Variants in DAGLB observed in about 807,000 individuals in gnomAD.
The protein encoded by DAGLB is diacylglycerol lipase-beta.
DAGLB carries 66 observed loss-of-function variants against 72.1 expected under a neutral mutation model. The observed-to-expected ratio is 0.92, with a 90% CI of 0.75 to 1.12. The LOEUF (loss-of-function observed/expected upper bound fraction) is 1.12, where lower values mean the gene tolerates loss of function less well. Among genes scored for constraint, DAGLB ranks in the 50% most tolerant of loss-of-function variants. The probability of loss-of-function intolerance (pLI) is 0.00; values close to 1 mark genes in which losing one functional copy is unlikely to be tolerated. For synonymous variants in DAGLB, 414 were observed against 359.5 expected, an observed-to-expected ratio of 1.15 and a Z score of -1.71; for missense variants, 1,065 against 884.9, an observed-to-expected ratio of 1.20 and a Z score of -2.58.
chr7:6,420,564 G>A (rs942084075), intron 9 of DAGLB, among the ~76,000 whole-genome samples: 3 of 152,204 alleles, frequency 2.0e-5, no homozygotes, highest in South Asian at 2.1e-4. Context: ...CCCAGAGGCC[G>A]TGGAAGGGAG....
At chr7:6,439,379 C>T (rs1279525182) in intron 2 of DAGLB, among the ~76,000 whole-genome samples, 1 of 150,752 alleles carries the variant, frequency 6.6e-6, no homozygotes, top group Non-Finnish European at 1.5e-5. Flanking sequence ...GCCCCATAAC[C>T]GACAAGCACA....
chr7:6,444,204 T>C (rs1784924207), intron 2 of DAGLB, among the ~76,000 whole-genome samples: 1 of 152,182 alleles, frequency 6.6e-6, no homozygotes, highest in South Asian at 2.1e-4. Flanking sequence ...GCCCAGGTAT[T>C]TGAGGCTGCA....
At chr7:6,416,972 C>T in intron 9 of DAGLB, 51 bp from the exon 10 acceptor site, 1 of 1,594,256 alleles carries the variant, frequency 6.3e-7, no homozygotes, top group South Asian at 1.1e-5. Context: ...CAAGGCAGGC[C>T]CAGCAGAGAC....
At chr7:6,427,657 C>G (rs1286821285) in intron 6 of DAGLB, among the ~76,000 whole-genome samples, 1 of 152,130 alleles carries the variant, frequency 6.6e-6, no homozygotes, top group African/African-American at 2.4e-5. Context: ...GTGGCTTACA[C>G]CTGTAATCCC....
intron 5 of DAGLB, among the ~76,000 whole-genome samples, chr7:6,431,560 C>T (rs1239730138): frequency 6.6e-6 from 1 of 151,948 alleles, no homozygotes; most frequent in Non-Finnish European, 1.5e-5. Context: ...TCACTTGAGG[C>T]TAAGAGTTTG....
intron 13 of DAGLB, among the ~76,000 whole-genome samples, chr7:6,410,934 G>GA (rs770392486): frequency 1.4e-3 from 198 of 145,354 alleles, no homozygotes; most frequent in Non-Finnish European, 2.0e-3. Context: ...GCCCAGGCTG[G>GA]AGTGCAGTGG....
At chr7:6,443,605 C>T (rs1177482911) in intron 2 of DAGLB, among the ~76,000 whole-genome samples, 2 of 152,188 alleles carry the variant, frequency 1.3e-5, no homozygotes, top group Non-Finnish European at 2.9e-5. Context: ...CTCTACATTG[C>T]TCCTATGAGC....
intron 2 of DAGLB, among the ~76,000 whole-genome samples, chr7:6,443,865 C>T (rs1784913156): frequency 6.6e-6 from 1 of 152,166 alleles, no homozygotes; most frequent in Non-Finnish European, 1.5e-5. Context: ...ACAGTGCTCA[C>T]ATCATCCTAT....
rs1783643184 is a variant in DAGLB, at chr7:6,409,479, G to C, written c.*358C>G. 1 of 255,154 alleles carries C rather than the reference G, an allele frequency of 3.9e-6. No homozygotes were observed. Among genetic ancestry groups the C allele is most frequent in the South Asian group, 6.4e-5 (1 of 15,518 alleles). The allele number at this position is 255,154 out of a possible 1,614,324, so 15.8% of individuals were successfully genotyped here. A position where few individuals can be genotyped will look rare whatever the true frequency, so the allele number is the denominator to read the frequency against. On this transcript the variant is annotated 3_prime_UTR_variant, in exon 15 of 15. Transcript: ENST00000297056. ...ATGAAAAGAGCTGCCTTGGGGGTGG[G>C]AGGCTAAGGAACTGTTCACGGTCTT...
At chr7:6,444,444 A>G (rs894495651) in intron 2 of DAGLB, among the ~76,000 whole-genome samples, 1 of 152,158 alleles carries the variant, frequency 6.6e-6, no homozygotes, top group Admixed American at 6.6e-5. Flanking sequence ...TCTACTAAAA[A>G]TACAAAAATT....
intron 9 of DAGLB, among the ~76,000 whole-genome samples, chr7:6,419,746 CCT>C (rs1426047800): frequency 1.3e-5 from 2 of 152,220 alleles, no homozygotes; most frequent in South Asian, 2.1e-4. Context: ...CCCCCTGGCC[CCT>C]GACGGGTTTC....
At chr7:6,416,971 C>G in intron 9 of DAGLB, 50 bp from the exon 10 acceptor site, 1 of 1,597,172 alleles carries the variant, frequency 6.3e-7, no homozygotes, top group Non-Finnish European at 8.6e-7. Flanking sequence ...ACAAGGCAGG[C>G]CCAGCAGAGA....
At chr7:6,422,251 G>A (rs1027609527) in intron 8 of DAGLB, 20 of 314,480 alleles carry the variant, frequency 6.4e-5, no homozygotes, top group African/African-American at 1.9e-4. Context: ...CAGCCCAGGC[G>A]CAGGGGCAGC....
chr7:6,434,622 C>CA, intron 4 of DAGLB, 140 bp downstream of exon 4: 1 of 1,382,762 alleles, frequency 7.2e-7, no homozygotes, highest in Non-Finnish European at 9.9e-7. Context: ...TCATCACAGA[C>CA]AGAGGGTCTC....
chr7:6,411,191 TAG>T (rs753000342), intron 13 of DAGLB, among the ~76,000 whole-genome samples: 6 of 151,328 alleles, frequency 4.0e-5, no homozygotes, highest in Non-Finnish European at 2.9e-5. Context: ...GTATTTTTAG[TAG>T]AGACGGGGTT....
intron 6 of DAGLB, 43 bp from the exon 7 acceptor site, chr7:6,426,157 T>C (rs1583291159): frequency 3.1e-6 from 5 of 1,608,918 alleles, no homozygotes; most frequent in Non-Finnish European, 3.4e-6. Context: ...ACAGAGCCAC[T>C]TGGCAAGGAA....
At chr7:6,414,954 A>G (rs1319422611) in intron 11 of DAGLB, among the ~76,000 whole-genome samples, 1 of 152,078 alleles carries the variant, frequency 6.6e-6, no homozygotes, top group Non-Finnish European at 1.5e-5. Context: ...GGATCACTTG[A>G]GCCCAGGAGT....
At chr7:6,440,696 T>C (rs944960909) in intron 2 of DAGLB, among the ~76,000 whole-genome samples, 3 of 152,034 alleles carry the variant, frequency 2.0e-5, no homozygotes, top group African/African-American at 4.8e-5. Flanking sequence ...CTGGCCAACA[T>C]GGTTTCTACA....
At chr7:6,424,712 C>T (rs372258486) in intron 8 of DAGLB, 40 bp downstream of exon 8, 6 of 1,603,412 alleles carry the variant, frequency 3.7e-6, no homozygotes, top group Non-Finnish European at 5.1e-6. Flanking sequence ...CCCGCTCCCG[C>T]ACCCACTCCC....
Sources: allele counts gnomAD v4.1 joint callset (sites outside exome capture counted in the v4.1 genomes callset), GRCh38; gene constraint gnomAD v4.1.1; transcripts MANE v1.5; gene names NCBI Gene and HGNC (gene_info 2026-07-23, HGNC 2026-07-21).